Variants in TENM3 observed in about 807,000 individuals in gnomAD.
TENM3 encodes the protein teneurin-3.
Under a neutral mutation model 255.1 loss-of-function variants are expected in TENM3, and 63 were observed. The ratio of observed to expected loss-of-function variants is 0.25; its 90% CI spans 0.20 to 0.30. The LOEUF is 0.30. Among genes scored for constraint, TENM3 ranks in the 10% least tolerant of loss-of-function variants. TENM3 has a pLI of 1.00. For synonymous variants in TENM3, 1,306 were observed against 1,322.3 expected (o/e 0.99, Z 0.27); for missense variants, 2,929 against 3,461.1 (o/e 0.85, Z 3.86).
At chr4:182,184,653 A>G (rs999296920) in intron 1 of TENM3, among the ~76,000 whole-genome samples, 2 of 152,134 alleles carry the variant, frequency 1.3e-5, no homozygotes, top group Non-Finnish European at 2.9e-5. Flanking sequence ...AGGACCCAGT[A>G]TTTTCTGTCT....
chr4:182,445,446 G>A (rs1252984644), intron 3 of TENM3, among the ~76,000 whole-genome samples: 7 of 152,150 alleles, frequency 4.6e-5, no homozygotes, highest in Non-Finnish European at 1.0e-4. Context: ...CTGACAATGT[G>A]GATTTGGTAC....
rs751898003 is a variant in TENM3, at chr4:182,716,150, C to A, written c.2368+1917C>A. 1.8e-4 allele frequency among the ~76,000 whole-genome samples: 27 copies of A among 152,208 alleles called. No homozygotes were observed. In the Middle Eastern group the frequency reaches 0.01, roughly 58 times the overall value. ...ACCCCCTACTCCAATGTTGCTATTG[C>A]CTAGGGAGGAAGGAGAGCTTCTCTT... On this transcript the variant is annotated intron_variant, in intron 13 of 27. Coordinates refer to ENST00000511685, the MANE Select transcript of TENM3 (RefSeq NM_001080477.4).
the TENM3 span, among the ~76,000 whole-genome samples, chr4:181,899,501 A>G: frequency 6.6e-6 from 1 of 152,164 alleles, no homozygotes; most frequent in Non-Finnish European, 1.5e-5. Context: ...CCAATTCTTT[A>G]TGTGGGTTTT....
intron 1 of TENM3, among the ~76,000 whole-genome samples, chr4:182,145,779 C>A (rs552559213): frequency 2.6e-5 from 4 of 152,168 alleles, no homozygotes; most frequent in Non-Finnish European, 5.9e-5. Context: ...CTGGGATGCC[C>A]GAGAACAGGA....
chr4:182,204,106 C>CGGGGGACAAAA (rs35286546), intron 1 of TENM3, among the ~76,000 whole-genome samples: 4,435 of 152,004 alleles, frequency 0.029, 214 homozygotes, highest in African/African-American at 0.1. Flanking sequence ...GAGTTGGCTG[C>CGGGGGACAAAA]GGGGGACAAA....
chr4:181,999,225 G>A, the TENM3 span, among the ~76,000 whole-genome samples: 2 of 152,122 alleles, frequency 1.3e-5, no homozygotes, highest in Non-Finnish European at 2.9e-5. Context: ...CTACTAAAAA[G>A]AGACTTTGTG....
chr4:182,171,750 TAATA>T (rs1752123132), intron 1 of TENM3, among the ~76,000 whole-genome samples: 3 of 152,198 alleles, frequency 2.0e-5, no homozygotes, highest in African/African-American at 7.2e-5. Context: ...AACAAAAGTT[TAATA>T]AATAGTGTGT....
At chr4:181,888,526 A>ATATATATATATATGTG in the TENM3 span, among the ~76,000 whole-genome samples, 1 of 87,724 alleles carries the variant, frequency 1.1e-5, no homozygotes, top group South Asian at 3.1e-4. Flanking sequence ...GTATATATAT[A>ATATATATATATATGTG]CATATATGTG....
chr4:181,857,763 CA>C, the TENM3 span, among the ~76,000 whole-genome samples: 24 of 142,258 alleles, frequency 1.7e-4, no homozygotes, highest in African/African-American at 2.3e-4. Flanking sequence ...TTCCCCCAAA[CA>C]AAAAAAAAAG....
At chr4:182,117,975 G>A in the TENM3 span, among the ~76,000 whole-genome samples, 2 of 152,034 alleles carry the variant, frequency 1.3e-5, no homozygotes, top group African/African-American at 4.8e-5. Flanking sequence ...GAGTTTTGTA[G>A]CTTTAAACCT....
the TENM3 span, among the ~76,000 whole-genome samples, chr4:181,755,560 A>G: frequency 1.3e-5 from 2 of 152,256 alleles, no homozygotes; most frequent in South Asian, 2.1e-4. Context: ...AGTTGAAGTG[A>G]CCATTCGGAA....
chr4:182,385,961 C>A (rs757660064), intron 3 of TENM3, among the ~76,000 whole-genome samples: 1 of 152,018 alleles, frequency 6.6e-6, no homozygotes, highest in Non-Finnish European at 1.5e-5. Context: ...TGATTTTATA[C>A]CTAGGAAAAG....
Position 182,234,010 on chromosome 4 carries a change from C to T in TENM3, c.-76+89256C>T, listed in dbSNP as rs559231808. On this transcript the variant is annotated intron_variant, in intron 1 of 2. Transcript: ENST00000512480. ...TGTTTCAACTTGGGGAGTTGTGACA[C>T]GAGTGGTTGATTCCTTTATCGGCCT... Among the ~76,000 whole-genome samples the T allele has an allele frequency of 5.3e-5, 8 of 152,296 alleles. No individual in the cohort carries two copies. The South Asian group carries it at 8.3e-4, about 16-fold the overall frequency.
chr4:182,438,562 G>T (rs1481754103), intron 3 of TENM3, among the ~76,000 whole-genome samples: 2 of 151,910 alleles, frequency 1.3e-5, no homozygotes, highest in Non-Finnish European at 2.9e-5. Context: ...CCTCATTCTA[G>T]CCATCCTTAT....
chr4:182,616,043 G>T (rs1229325512), intron 4 of TENM3, among the ~76,000 whole-genome samples: 1 of 152,174 alleles, frequency 6.6e-6, no homozygotes, highest in East Asian at 1.9e-4. Flanking sequence ...ACCTACTGTT[G>T]TAACAAGCCC....
At position 182,793,413 on chromosome 4, in the gene TENM3, G is replaced by GC; in HGVS notation, c.6741_6742insC (p.Phe2248LeufsTer5). 1 of 1,613,962 alleles carries GC rather than the reference G, an allele frequency of 6.2e-7. No individual in the cohort carries two copies. The highest frequency in any genetic ancestry group is 8.5e-7 in the Non-Finnish European group (1 of 1,179,876). On this transcript the variant is annotated frameshift_variant, in exon 26 of 28. Coordinates refer to ENST00000511685, the MANE Select transcript of TENM3 (RefSeq NM_001080477.4). LOFTEE classifies it high-confidence loss of function. The surrounding 1 kb of genome is among the most constrained non-coding windows in gnomAD (Gnocchi z 5.7). ...AAACCAGTCTAGGACAGCACCTGCA[G>GC]TTTTTTTATGCTGACTTAACTTATC...
At chr4:181,961,356 G>T in the TENM3 span, among the ~76,000 whole-genome samples, 1 of 152,002 alleles carries the variant, frequency 6.6e-6, no homozygotes, top group East Asian at 1.9e-4. Flanking sequence ...CAGAAACTTG[G>T]GTAGGCAGAA....
chr4:182,790,587 C>T (rs1167762846), intron 25 of TENM3, among the ~76,000 whole-genome samples: 1 of 152,170 alleles, frequency 6.6e-6, no homozygotes, highest in Non-Finnish European at 1.5e-5. Context: ...AGCTAGGACC[C>T]TCATGGCCAA....
chr4:182,517,458 G>T (rs913097898), intron 3 of TENM3, among the ~76,000 whole-genome samples: 1 of 140,424 alleles, frequency 7.1e-6, no homozygotes, highest in African/African-American at 2.7e-5. Flanking sequence ...ATCTCGGCTC[G>T]CTGCAAGCTC....
Sources: gnomAD v4.1 joint callset for allele counts (sites outside exome capture counted in the v4.1 genomes callset) on GRCh38, gnomAD v4.1.1 for gene constraint, Gnocchi (gnomAD v3.1) non-coding constraint, MANE v1.5 for transcripts, NCBI Gene and HGNC (gene_info 2026-07-23, HGNC 2026-07-21) for gene names.